Variants in CNTNAP2 observed in about 807,000 individuals in gnomAD.
CNTNAP2 encodes contactin-associated protein-like 2.
CNTNAP2 carries 98 observed loss-of-function variants against 155.2 expected under a neutral mutation model. The observed-to-expected ratio is 0.63, with a 90% CI of 0.54 to 0.75. The LOEUF (loss-of-function observed/expected upper bound fraction) is 0.75, where lower values mean the gene tolerates loss of function less well. Ranked by LOEUF, CNTNAP2 falls within the 30% of genes least tolerant of loss-of-function variation. The pLI, the probability that CNTNAP2 is intolerant of heterozygous loss-of-function variation, is 0.00. For synonymous variants in CNTNAP2, 651 were observed against 631.2 expected (o/e 1.03, Z -0.47); for missense variants, 1,727 against 1,688.1 (o/e 1.02, Z -0.40).
chr7:148,337,731 C>T (rs1411703770), intron 21 of CNTNAP2, among the ~76,000 whole-genome samples: 5 of 152,154 alleles, frequency 3.3e-5, no homozygotes, highest in African/African-American at 4.8e-5. Context: ...CTTGGCCCTG[C>T]GCCATGCAGA....
Position 147,943,684 on chromosome 7 carries a change from G to A in CNTNAP2, c.2256-34178G>A, listed in dbSNP as rs990225373. Reference sequence around the variant, plus strand: ...CTTGGGAGGCTGAGCCAGGAGAATCGCCCAGGAGACAGAGGTTGCAGTGAG... The same window carrying A: ...CTTGGGAGGCTGAGCCAGGAGAATCACCCAGGAGACAGAGGTTGCAGTGAG... On this transcript the variant is annotated intron_variant, in intron 14 of 23. Coordinates refer to ENST00000361727, the MANE Select transcript of CNTNAP2 (RefSeq NM_014141.6). Among the ~76,000 whole-genome samples the A allele has an allele frequency of 5.1e-5, 7 of 136,038 alleles. No homozygotes were observed. In the East Asian group the frequency reaches 7.0e-4, roughly 14 times the overall value. The allele number at this position is 136,038 out of a possible 152,430, so 89.2% of individuals were successfully genotyped here.
chr7:147,974,815 T>C (rs1801398679), intron 14 of CNTNAP2, among the ~76,000 whole-genome samples: 1 of 152,078 alleles, frequency 6.6e-6, no homozygotes, highest in East Asian at 1.9e-4. Flanking sequence ...TACTTTTAGG[T>C]AAATGCTTGA....
chr7:147,085,697 C>A (rs2129270746), intron 4 of CNTNAP2: 1 of 152,308 alleles, frequency 6.6e-6, no homozygotes, highest in South Asian at 2.1e-4. Context: ...TGTTACCTGG[C>A]CAATTCTTCA....
At chr7:146,937,872 C>G (rs965298195) in intron 3 of CNTNAP2, among the ~76,000 whole-genome samples, 1 of 152,140 alleles carries the variant, frequency 6.6e-6, no homozygotes, top group South Asian at 2.1e-4. Flanking sequence ...ATGGTAGAAG[C>G]TTAGGGTTGT....
chr7:147,747,582 T>A (rs1233979803), intron 13 of CNTNAP2, among the ~76,000 whole-genome samples: 1 of 152,186 alleles, frequency 6.6e-6, no homozygotes, highest in Non-Finnish European at 1.5e-5. Context: ...CTCTTCAATA[T>A]ACTGATTTCT....
At chr7:148,127,538 A>G (rs1804741902) in intron 16 of CNTNAP2, among the ~76,000 whole-genome samples, 1 of 152,230 alleles carries the variant, frequency 6.6e-6, no homozygotes, top group Non-Finnish European at 1.5e-5. Flanking sequence ...CTAATGTCCT[A>G]CTAATCTTAG....
intron 13 of CNTNAP2, among the ~76,000 whole-genome samples, chr7:147,903,208 G>A (rs534632605): frequency 1.6e-4 from 25 of 152,232 alleles, no homozygotes; most frequent in African/African-American, 6.0e-4. Flanking sequence ...GTTTTGATTT[G>A]CATTTCCCTG....
At chr7:147,180,105 T>C (rs1802424018) in intron 8 of CNTNAP2, among the ~76,000 whole-genome samples, 1 of 152,100 alleles carries the variant, frequency 6.6e-6, no homozygotes, top group Admixed American at 6.5e-5. Context: ...GCAGGTGCCA[T>C]GGACTAAGGG....
At chr7:147,718,351 A>G (rs1796513107) in intron 13 of CNTNAP2, among the ~76,000 whole-genome samples, 1 of 152,072 alleles carries the variant, frequency 6.6e-6, no homozygotes, top group Non-Finnish European at 1.5e-5. Context: ...ACATGGAAAC[A>G]CTCTTAAGGG....
intron 1 of CNTNAP2, among the ~76,000 whole-genome samples, chr7:146,434,665 TTAA>T (rs1183635669): frequency 1.3e-5 from 2 of 152,174 alleles, no homozygotes; most frequent in African/African-American, 2.4e-5. Flanking sequence ...GATGATATTG[TTAA>T]TAATAACGGC....
At chr7:147,830,326 T>C (rs2116634187) in intron 13 of CNTNAP2, among the ~76,000 whole-genome samples, 1 of 152,186 alleles carries the variant, frequency 6.6e-6, no homozygotes, top group East Asian at 1.9e-4. Flanking sequence ...TAGCTGTGAC[T>C]TTTCATGGCA....
At chr7:148,333,515 T>C (rs1798067635) in intron 21 of CNTNAP2, among the ~76,000 whole-genome samples, 1 of 152,054 alleles carries the variant, frequency 6.6e-6, no homozygotes, top group Non-Finnish European at 1.5e-5. Context: ...TTCCTACTGC[T>C]GAAATTTGAA....
intron 1 of CNTNAP2, among the ~76,000 whole-genome samples, chr7:146,714,868 T>C (rs2129175966): frequency 6.6e-6 from 1 of 152,290 alleles, no homozygotes; most frequent in African/African-American, 2.4e-5. Context: ...TTCTGGGCCC[T>C]AGGTCTAGAC....
rs954247773 is a variant in CNTNAP2 at position 146,982,630 on chromosome 7, T to A, written c.403-61277T>A. Among the ~76,000 whole-genome samples the A allele has an allele frequency of 2.0e-5, 3 of 152,324 alleles. No individual in the cohort carries two copies. The South Asian group carries it at 6.2e-4, about 32-fold the overall frequency. Reference sequence around the variant, plus strand: ...CAGACCTCTCTGTGTTCCTTTTAGATGTCACTAGCTCAATCACCAAGGGCA... The same window carrying A: ...CAGACCTCTCTGTGTTCCTTTTAGAAGTCACTAGCTCAATCACCAAGGGCA... On this transcript the variant is annotated intron_variant, in intron 3 of 23. Coordinates refer to ENST00000361727, the MANE Select transcript of CNTNAP2 (RefSeq NM_014141.6).
intron 3 of CNTNAP2, among the ~76,000 whole-genome samples, chr7:146,985,084 A>T (rs975265474): frequency 3.3e-5 from 5 of 152,170 alleles, no homozygotes; most frequent in African/African-American, 9.7e-5. Flanking sequence ...CTATGTAGTT[A>T]TAATAGAATG....
chr7:147,678,366 A>G (rs889099969), intron 13 of CNTNAP2, among the ~76,000 whole-genome samples: 1 of 151,908 alleles, frequency 6.6e-6, no homozygotes, highest in Non-Finnish European at 1.5e-5. Context: ...TATTTTACTA[A>G]TAATTGAACC....
intron 13 of CNTNAP2, among the ~76,000 whole-genome samples, chr7:147,654,672 T>C (rs1030422310): frequency 1.2e-4 from 19 of 152,204 alleles, no homozygotes; most frequent in African/African-American, 4.1e-4. Flanking sequence ...ATTGCTAATA[T>C]GTTGATTTCC....
chr7:148,360,828 T>TTTA (rs1798607090), intron 21 of CNTNAP2, among the ~76,000 whole-genome samples: 1 of 151,212 alleles, frequency 6.6e-6, no homozygotes, highest in African/African-American at 2.4e-5. Flanking sequence ...TTTTTTTTTT[T>TTTA]GAGACAGTTT....
intron 21 of CNTNAP2, among the ~76,000 whole-genome samples, chr7:148,272,057 G>C (rs180679804): frequency 6.6e-4 from 100 of 152,246 alleles, no homozygotes; most frequent in African/African-American, 2.2e-3. Flanking sequence ...CTCAAAAAGG[G>C]ACACAGAAAA....
Sources: allele counts gnomAD v4.1 joint callset (sites outside exome capture counted in the v4.1 genomes callset), GRCh38; gene constraint gnomAD v4.1.1; transcripts MANE v1.5; gene names NCBI Gene and HGNC (gene_info 2026-07-23, HGNC 2026-07-21).